SLC11A2: variants seen among roughly 807,000 people sequenced by gnomAD.
The protein encoded by SLC11A2 is natural resistance-associated macrophage protein 2.
SLC11A2 carries 38 observed loss-of-function variants against 68.0 expected under a neutral mutation model. The ratio of observed to expected loss-of-function variants is 0.56; its 90% CI spans 0.43 to 0.73. The LOEUF is 0.73. Among genes scored for constraint, SLC11A2 ranks in the 30% least tolerant of loss-of-function variants. The pLI is 0.00. For missense variants in SLC11A2, 517 were observed against 690.5 expected, an observed-to-expected ratio of 0.75 and a Z score of 2.82; for synonymous variants, 242 against 250.6, an observed-to-expected ratio of 0.97 and a Z score of 0.32.
the SLC11A2 span, among the ~76,000 whole-genome samples, chr12:50,957,322 T>C: frequency 3.3e-5 from 5 of 151,890 alleles, no homozygotes; most frequent in Admixed American, 6.6e-5. Context: ...GCGATTCTCG[T>C]GCTTCAGCTT....
chr12:50,991,520 C>A, intron 14 of SLC11A2, 79 bp downstream of exon 14: 1 of 1,093,994 alleles, frequency 9.1e-7, no homozygotes, highest in Non-Finnish European at 1.4e-6. Context: ...CTGTGTCTCA[C>A]GTCTGACTGG....
intron 1 of SLC11A2, among the ~76,000 whole-genome samples, chr12:51,019,708 C>T (rs995360714): frequency 1.4e-5 from 2 of 145,856 alleles, no homozygotes; most frequent in African/African-American, 5.1e-5. Context: ...AGTGCAGTGG[C>T]GTGGTCTCAG....
chr12:50,979,039 G>C (rs1278622444), downstream of SLC11A2, among the ~76,000 whole-genome samples: 1 of 152,132 alleles, frequency 6.6e-6, no homozygotes, highest in Non-Finnish European at 1.5e-5. Flanking sequence ...TTTACAGATT[G>C]ACTCTATAGT....
chr12:50,972,042 A>G, the SLC11A2 span, among the ~76,000 whole-genome samples: 36 of 152,384 alleles, frequency 2.4e-4, no homozygotes, highest in Non-Finnish European at 5.0e-4. Context: ...GAAAGAATCC[A>G]ACTGCTTTAT....
the SLC11A2 span, among the ~76,000 whole-genome samples, chr12:50,952,479 G>T: frequency 6.6e-6 from 1 of 152,100 alleles, no homozygotes. Flanking sequence ...GGTGAGCAAG[G>T]TGTTCTCCAA....
At chr12:50,973,690 C>T in the SLC11A2 span, among the ~76,000 whole-genome samples, 7 of 152,104 alleles carry the variant, frequency 4.6e-5, 1 homozygote, top group Admixed American at 3.9e-4. Flanking sequence ...CGAATTTCTC[C>T]GAGCTAAAGG....
chr12:51,001,252 T>C (rs1490092193), intron 5 of SLC11A2, among the ~76,000 whole-genome samples: 1 of 151,174 alleles, frequency 6.6e-6, no homozygotes, highest in Non-Finnish European at 1.5e-5. Flanking sequence ...GTAGATCCCT[T>C]AAGCCCAGGA....
intron 1 of SLC11A2, among the ~76,000 whole-genome samples, chr12:51,012,227 T>G (rs1337124719): frequency 6.6e-6 from 1 of 151,910 alleles, no homozygotes; most frequent in Non-Finnish European, 1.5e-5. Flanking sequence ...GAGTCAGGGG[T>G]GGGGTGGAAG....
At chr12:51,001,248 C>T (rs1592362611) in intron 5 of SLC11A2, among the ~76,000 whole-genome samples, 1 of 151,198 alleles carries the variant, frequency 6.6e-6, no homozygotes, top group Non-Finnish European at 1.5e-5. Flanking sequence ...CAACGTAGAT[C>T]CCTTAAGCCC....
chr12:50,960,916 A>T, the SLC11A2 span: 1 of 1,404,884 alleles, frequency 7.1e-7, no homozygotes, highest in Non-Finnish European at 9.6e-7. Context: ...CTGGTCTCAC[A>T]CGATGCTCCT....
At chr12:50,960,899 C>CACACATCAGTGTG in the SLC11A2 span, 1 of 1,366,192 alleles carries the variant, frequency 7.3e-7, no homozygotes, top group Middle Eastern at 1.9e-4. Flanking sequence ...AGGCTGTTTT[C>CACACATCAGTGTG]AAACTCCTGG....
In SLC11A2 at chr12:50,992,748, AAGAAG is replaced by A. The variant is rs1565991327; in HGVS notation, c.1197+57_1197+61del. 1.5e-4 allele frequency: 212 copies of A among 1,453,576 alleles called. 2 individuals carry two copies. The highest frequency in any genetic ancestry group is 6.4e-5 in the Admixed American group (3 of 46,876). 90.0% of individuals were successfully genotyped at this position (1,453,576 alleles called of 1,614,324 possible). The stretch of plus-strand genomic sequence containing the variant: ...TCCATCTCAAAAAAAAAAAAAAAAG[AAGAAG>A]AAGAAGAAGTAACAAAAGGGTTGTG... On this transcript the variant is annotated intron_variant, in intron 12 of 15. Transcript: ENST00000262052.
chr12:51,010,598 A>C, intron 2 of SLC11A2, 97 bp downstream of exon 2: 1 of 737,024 alleles, frequency 1.4e-6, no homozygotes, highest in East Asian at 2.6e-5. Context: ...ATAGATGATG[A>C]CAGATGATGA....
chr12:50,988,231 T>C lies in SLC11A2; in HGVS notation c.*94A>G. ...ACGGTTGAGTCATAAACACAGTCTG[T>C]GCAACGGCACATACTTTTGGCTATG... is the stretch of plus-strand genomic sequence containing the variant. On this transcript the variant is annotated 3_prime_UTR_variant, in exon 16 of 16. Transcript: ENST00000262052. 1 of 1,597,164 alleles carries C rather than the reference T, an allele frequency of 6.3e-7. No individual in the cohort carries two copies. Among genetic ancestry groups the C allele is most frequent in the Non-Finnish European group, 8.5e-7 (1 of 1,171,828 alleles).
chr12:50,979,760 T>A (rs2136116867), downstream of SLC11A2: 1 of 435,462 alleles, frequency 2.3e-6, no homozygotes, highest in African/African-American at 2.0e-5. Context: ...TAAGGGCCGA[T>A]TATAAACGAA....
At chr12:50,985,703 A>AT (rs1479184953), downstream of SLC11A2, among the ~76,000 whole-genome samples, 1 of 152,170 alleles carries the variant, frequency 6.6e-6, no homozygotes, top group Non-Finnish European at 1.5e-5. Context: ...GCAGAATAAA[A>AT]TTTTTTTCCC....
At chr12:50,955,049 T>C in the SLC11A2 span, among the ~76,000 whole-genome samples, 1 of 152,194 alleles carries the variant, frequency 6.6e-6, no homozygotes, top group African/African-American at 2.4e-5. Context: ...CCCAGCACTT[T>C]GAGAGGCCGA....
At chr12:51,000,534 C>T in intron 5 of SLC11A2, 115 bp from the exon 6 acceptor site, 1 of 770,542 alleles carries the variant, frequency 1.3e-6, no homozygotes, top group African/African-American at 1.7e-5. Flanking sequence ...TATAAGCCTC[C>T]AGACTAGAGA....
intron 11 of SLC11A2, among the ~76,000 whole-genome samples, chr12:50,993,604 G>A (rs1172465938): frequency 6.6e-6 from 1 of 151,814 alleles, no homozygotes. Flanking sequence ...GGGGGGGGTG[G>A]ATCACCTGAG....
Sources: gnomAD v4.1 joint callset for allele counts (sites outside exome capture counted in the v4.1 genomes callset) on GRCh38, gnomAD v4.1.1 for gene constraint, MANE v1.5 for transcripts, NCBI Gene and HGNC (gene_info 2026-07-23, HGNC 2026-07-21) for gene names.